ADGRL2: variants seen among roughly 807,000 people sequenced by gnomAD.
ADGRL2 encodes the protein adhesion G protein-coupled receptor L2.
A neutral mutation model predicts 157.4 loss-of-function variants in ADGRL2; 44 were observed. The ratio of observed to expected loss-of-function variants is 0.28; its 90% CI spans 0.22 to 0.36. ADGRL2 has a LOEUF of 0.36. Among genes scored for constraint, ADGRL2 ranks in the 10% least tolerant of loss-of-function variants. The pLI is 1.00. For synonymous variants in ADGRL2, 585 were observed against 624.7 expected (o/e 0.94, Z 0.95); for missense variants, 1,510 against 1,768.9 (o/e 0.85, Z 2.63).
intron 2 of ADGRL2, among the ~76,000 whole-genome samples, chr1:81,775,195 TAA>T (rs1466657918): frequency 2.0e-5 from 3 of 152,052 alleles, no homozygotes; most frequent in Non-Finnish European, 2.9e-5. Context: ...TATCATTTAA[TAA>T]AAATTGAAAA....
At chr1:81,429,187 T>C (rs538229065) in intron 1 of ADGRL2, among the ~76,000 whole-genome samples, 23 of 152,230 alleles carry the variant, frequency 1.5e-4, no homozygotes, top group African/African-American at 5.3e-4. Flanking sequence ...AAGATTTGTT[T>C]GTGAACTTGA....
intron 1 of ADGRL2, among the ~76,000 whole-genome samples, chr1:81,306,907 G>T (rs899998805): frequency 1.3e-5 from 2 of 152,006 alleles, no homozygotes; most frequent in South Asian, 4.1e-4. Flanking sequence ...CCCTCCTGCA[G>T]CATTTTCTGT....
intron 2 of ADGRL2, among the ~76,000 whole-genome samples, chr1:81,490,148 C>G (rs985390965): frequency 2.2e-5 from 2 of 92,604 alleles, no homozygotes; most frequent in African/African-American, 8.2e-5. Flanking sequence ...TTTTTTTTTT[C>G]GAGACAGAGT....
At chr1:81,662,705 C>G (rs978455101) in intron 3 of ADGRL2, among the ~76,000 whole-genome samples, 1 of 151,310 alleles carries the variant, frequency 6.6e-6, no homozygotes, top group Non-Finnish European at 1.5e-5. Flanking sequence ...CAGGTGCCCA[C>G]CACAGTGCCC....
At chr1:81,503,425 C>A in intron 2 of ADGRL2, 1 of 1,613,634 alleles carries the variant, frequency 6.2e-7, no homozygotes, top group Non-Finnish European at 8.5e-7. Context: ...TACCTCATCC[C>A]GGGGCACCCC....
intron 2 of ADGRL2, among the ~76,000 whole-genome samples, chr1:81,902,390 G>C (rs562537075): frequency 2.0e-5 from 3 of 152,236 alleles, no homozygotes; most frequent in Admixed American, 1.3e-4. Context: ...CTGAGGTCAG[G>C]AGTTTGAGAC....
At chr1:81,561,142 G>T (rs554007847) in intron 2 of ADGRL2, among the ~76,000 whole-genome samples, 2 of 151,692 alleles carry the variant, frequency 1.3e-5, no homozygotes, top group Non-Finnish European at 2.9e-5. Context: ...ACATCCTTAC[G>T]CTGCTCTACT....
chr1:81,874,989 G>A (rs1301304085), intron 2 of ADGRL2, among the ~76,000 whole-genome samples: 1 of 152,128 alleles, frequency 6.6e-6, no homozygotes, highest in African/African-American at 2.4e-5. Flanking sequence ...TTACTGGTAT[G>A]AGCCATCGAA....
intron 2 of ADGRL2, chr1:81,502,822 GC>G: frequency 1.2e-6 from 2 of 1,612,028 alleles, no homozygotes; most frequent in Admixed American, 3.3e-5. Context: ...GGCTACTGCT[GC>G]TGCCGCTGCC....
intron 3 of ADGRL2, among the ~76,000 whole-genome samples, chr1:81,626,269 A>G (rs988479617): frequency 6.6e-6 from 1 of 152,132 alleles, no homozygotes; most frequent in South Asian, 2.1e-4. Flanking sequence ...GTAGCTACCA[A>G]TCAGTGAACA....
chr1:81,659,550 C>A (rs2082609848), intron 3 of ADGRL2, among the ~76,000 whole-genome samples: 1 of 152,182 alleles, frequency 6.6e-6, no homozygotes, highest in African/African-American at 2.4e-5. Flanking sequence ...TAACTGGTTG[C>A]TTCTATCAGC....
At chr1:81,751,566 A>G (rs76756535) in intron 1 of ADGRL2, among the ~76,000 whole-genome samples, 12,223 of 152,264 alleles carry the variant, frequency 0.08, 633 homozygotes, top group Non-Finnish European at 0.11. Flanking sequence ...TCAGATCGAA[A>G]GACTGAAAAT....
chr1:81,378,378 G>A (rs1238775722), intron 1 of ADGRL2, among the ~76,000 whole-genome samples: 2 of 151,354 alleles, frequency 1.3e-5, no homozygotes, highest in African/African-American at 2.4e-5. Context: ...TAACTAGACC[G>A]TATCTCTACA....
chr1:81,903,403 A>G (rs2094523677), intron 2 of ADGRL2, among the ~76,000 whole-genome samples: 1 of 152,130 alleles, frequency 6.6e-6, no homozygotes, highest in African/African-American at 2.4e-5. Context: ...TTATTTTATC[A>G]GCAAAATGGC....
chr1:81,766,218 T>G (rs905591152), intron 2 of ADGRL2, among the ~76,000 whole-genome samples: 1 of 152,180 alleles, frequency 6.6e-6, no homozygotes, highest in African/African-American at 2.4e-5. Context: ...TTTTTAATGG[T>G]CTTGCTTTTA....
At chr1:81,809,691 T>C (rs2089613762) in intron 1 of ADGRL2, among the ~76,000 whole-genome samples, 1 of 152,018 alleles carries the variant, frequency 6.6e-6, no homozygotes, top group Admixed American at 6.6e-5. Flanking sequence ...TTAACCCCTT[T>C]CTTGGTCACA....
rs763907183 is a variant in ADGRL2, at chr1:81,951,949, T to G, written c.1609-8T>G. ...ATTTAAATGAGATAATACAAATTGT[T>G]TTTTCAGATCAGAAGCGGAGAAAAT... On this transcript the variant is annotated splice_region_variant and splice_polypyrimidine_tract_variant and intron_variant, in intron 8 of 23. Coordinates refer to ENST00000686636, the MANE Select transcript of ADGRL2 (RefSeq NM_001366006.2). The G allele has an allele frequency of 1.3e-6, 2 of 1,590,562 alleles. No individual in the cohort carries two copies. Among genetic ancestry groups the G allele is most frequent in the South Asian group, 2.3e-5 (2 of 87,258 alleles).
At chr1:81,983,035 A>G (rs1007384156) in intron 19 of ADGRL2, among the ~76,000 whole-genome samples, 3 of 151,522 alleles carry the variant, frequency 2.0e-5, no homozygotes, top group African/African-American at 7.3e-5. Context: ...TGGCTTTTAT[A>G]TATTTCCTAC....
At chr1:81,932,113 A>T (rs540672163) in intron 3 of ADGRL2, among the ~76,000 whole-genome samples, 2 of 152,318 alleles carry the variant, frequency 1.3e-5, no homozygotes, top group Admixed American at 1.3e-4. Context: ...CAGTGATTAC[A>T]ATGGGTCATA....
Sources: allele counts gnomAD v4.1 joint callset (sites outside exome capture counted in the v4.1 genomes callset), GRCh38; gene constraint gnomAD v4.1.1; transcripts MANE v1.5; gene names NCBI Gene and HGNC (gene_info 2026-07-23, HGNC 2026-07-21).